SRP54: variants seen among roughly 807,000 people sequenced by gnomAD.
The protein encoded by SRP54 is signal recognition particle 54.
SRP54 carries 10 observed loss-of-function variants against 64.8 expected under a neutral mutation model. The observed-to-expected ratio is 0.15, with a 90% CI of 0.10 to 0.26. SRP54 has a LOEUF of 0.26. SRP54 is among the 10% of genes least tolerant of loss of function. SRP54 has a pLI of 1.00. For missense variants in SRP54, 325 were observed against 613.7 expected, an observed-to-expected ratio of 0.53 and a Z score of 4.97; for synonymous variants, 193 against 185.6, an observed-to-expected ratio of 1.04 and a Z score of -0.32.
At chr14:35,012,798 C>A (rs1470105231) in intron 8 of SRP54, among the ~76,000 whole-genome samples, 2 of 151,996 alleles carry the variant, frequency 1.3e-5, no homozygotes, top group Non-Finnish European at 2.9e-5. Context: ...TTATATATGT[C>A]CTCTGACTAG....
In SRP54 at chr14:34,988,560, C is replaced by CAA. The variant is rs1160365086; in HGVS notation, c.-34+5363_-34+5364dup. ...CTGGCGACAGAGTGAGACTCCATCTCAAAAAAAAAAAAAAAAAAATATATA... is the reference window on the plus strand; with the variant it reads ...CTGGCGACAGAGTGAGACTCCATCTCAAAAAAAAAAAAAAAAAAAAATATATA... On this transcript the variant is annotated intron_variant, in intron 1 of 15. Coordinates refer to ENST00000216774, the MANE Select transcript of SRP54 (RefSeq NM_003136.4). Among the ~76,000 whole-genome samples the CAA allele has an allele frequency of 7.9e-3, 209 of 26,302 alleles. 23 individuals are homozygous for CAA. The highest frequency in any genetic ancestry group is 0.033 in the Admixed American group (83 of 2,506). 17.3% of individuals were successfully genotyped at this position (26,302 alleles called of 152,430 possible).
chr14:35,014,966 T>C (rs1475941503), intron 11 of SRP54, 136 bp downstream of exon 11: 4 of 573,824 alleles, frequency 7.0e-6, no homozygotes, highest in Non-Finnish European at 3.0e-6. Context: ...AGATGATTTA[T>C]ATGCAAATCA....
chr14:35,014,932 AGATCT>A (rs1186463796), intron 11 of SRP54, 102 bp downstream of exon 11: 6 of 780,990 alleles, frequency 7.7e-6, no homozygotes, highest in Non-Finnish European at 1.2e-5. Flanking sequence ...TGTTAGAGTC[AGATCT>A]TCCACTGCTT....
intron 1 of SRP54, chr14:34,993,563 CTGTT>C (rs887248158): frequency 2.6e-5 from 4 of 152,076 alleles, no homozygotes; most frequent in African/African-American, 9.7e-5. Flanking sequence ...CCTGGGATAT[CTGTT>C]TGCCAGTGAT....
chr14:34,990,240 A>G (rs997480950), intron 1 of SRP54, among the ~76,000 whole-genome samples: 1 of 152,206 alleles, frequency 6.6e-6, no homozygotes, highest in Admixed American at 6.5e-5. Flanking sequence ...GAACGTTGCA[A>G]TTACTCCTCC....
At chr14:35,003,374 C>T (rs1011883449) in intron 4 of SRP54, among the ~76,000 whole-genome samples, 2 of 128,274 alleles carry the variant, frequency 1.6e-5, no homozygotes, top group Admixed American at 7.8e-5. Context: ...TTTCTGGACT[C>T]TCTATTTATT....
At chr14:35,004,503 A>G (rs2044227372) in intron 4 of SRP54, 1 of 152,232 alleles carries the variant, frequency 6.6e-6, no homozygotes, top group African/African-American at 2.4e-5. Flanking sequence ...ATGGAATCAC[A>G]GATTTTAATG....
intron 14 of SRP54, among the ~76,000 whole-genome samples, chr14:35,027,330 C>T (rs1054474623): frequency 6.6e-6 from 1 of 152,080 alleles, no homozygotes; most frequent in Non-Finnish European, 1.5e-5. Context: ...ACAGCCAGCC[C>T]AACAGACTCA....
In SRP54 at chr14:35,029,380, G is replaced by C. The variant is rs1239100561; in HGVS notation, c.*228G>C. ...TTTTTGTGGAAATCATTATATGTTT[G>C]CTTTAGATTTTCTTCTGTTTTCACC... On this transcript the variant is annotated 3_prime_UTR_variant, in exon 16 of 16. Coordinates refer to ENST00000216774, the MANE Select transcript of SRP54 (RefSeq NM_003136.4). 1 of 379,810 alleles carries C rather than the reference G, an allele frequency of 2.6e-6. No individual in the cohort carries two copies. The highest frequency in any genetic ancestry group is 4.7e-6 in the Non-Finnish European group (1 of 212,128). 23.5% of individuals were successfully genotyped at this position (379,810 alleles called of 1,614,324 possible). A position where few individuals can be genotyped will look rare whatever the true frequency, so the allele number is the denominator to read the frequency against.
chr14:35,021,773 G>A (rs757780086), intron 13 of SRP54, among the ~76,000 whole-genome samples: 7 of 152,194 alleles, frequency 4.6e-5, no homozygotes, highest in Non-Finnish European at 1.0e-4. Context: ...ATAACAGAAT[G>A]GCATAGACAG....
rs370656783 is a variant in SRP54 at position 35,022,969 on chromosome 14, G to A, written c.1216G>A (p.Val406Ile). Reference sequence around the variant, plus strand: ...TAAACAACCAGGAAGAATCCAAAGAGTAGCAAGAGGATCGGGTGTATCAAC... The same window carrying A: ...TAAACAACCAGGAAGAATCCAAAGAATAGCAAGAGGATCGGGTGTATCAAC... ...FSKQPGRIQR[V>I]ARGSGVSTRD... Residue 406 changes from valine to isoleucine, a missense_variant, in exon 14 of 16, where the codon GTA (valine) becomes ATA (isoleucine). Physicochemically the swap from Val to Ile is conservative, Grantham distance 29. Transcript: ENST00000216774. The A allele has an allele frequency of 5.6e-6, 9 of 1,613,844 alleles. No individual in the cohort carries two copies. In the African/African-American group the frequency reaches 1.1e-4, roughly 19 times the overall value.
Position 35,018,708 on chromosome 14 carries a change from A to C in SRP54, c.990A>C (p.Arg330=). The C allele has an allele frequency of 6.2e-7, 1 of 1,613,518 alleles. No individual in the cohort carries two copies. Among genetic ancestry groups the C allele is most frequent in the South Asian group, 1.1e-5 (1 of 90,906 alleles). Residue 330 remains arginine, a synonymous_variant, in exon 12 of 16, where the codon CGA becomes CGC. Transcript: ENST00000216774. ...GTATTTCAGGTCAGTTTACGTTGCG[A>C]GACATGTATGAGCAATTTCAAAATA... ...EKLKHGQFTL[R]DMYEQFQNIM...
At chr14:35,008,884 C>CTTTTTTT (rs35812379) in intron 7 of SRP54, 53 bp downstream of exon 7, 43 of 676,480 alleles carry the variant, frequency 6.4e-5, no homozygotes, top group South Asian at 1.3e-4. Flanking sequence ...TGTCTGTCAG[C>CTTTTTTT]TTTTTTTTTT....
At chr14:35,023,765 C>CAGAGTG (rs1295428964) in intron 14 of SRP54, among the ~76,000 whole-genome samples, 1 of 148,258 alleles carries the variant, frequency 6.7e-6, no homozygotes. Flanking sequence ...GCCTGGGCAG[C>CAGAGTG]AGAGTGAGAC....
At chr14:35,011,185 T>A (rs1167781053) in intron 7 of SRP54, among the ~76,000 whole-genome samples, 3 of 150,152 alleles carry the variant, frequency 2.0e-5, no homozygotes, top group Non-Finnish European at 4.5e-5. Context: ...CAAATGGATG[T>A]TAAATGGAAA....
At chr14:34,998,876 C>T (rs936064423) in intron 2 of SRP54, among the ~76,000 whole-genome samples, 3 of 151,082 alleles carry the variant, frequency 2.0e-5, no homozygotes, top group African/African-American at 7.3e-5. Flanking sequence ...ATAATAGTGA[C>T]AGGAGCTCTT....
intron 3 of SRP54, 26 bp from the exon 4 acceptor site, chr14:35,000,910 C>T: frequency 7.0e-7 from 1 of 1,428,972 alleles, no homozygotes; most frequent in Non-Finnish European, 9.5e-7. Flanking sequence ...TCCTCCCCAC[C>T]CCAATCACCA....
chr14:35,025,515 G>C (rs180833701), intron 14 of SRP54, among the ~76,000 whole-genome samples: 72 of 152,208 alleles, frequency 4.7e-4, no homozygotes, highest in African/African-American at 1.6e-3. Context: ...GACTGTTCTT[G>C]ATAGAACAGA....
At position 35,028,093 on chromosome 14, in the gene SRP54, G is replaced by A. The variant is rs1285684867; in HGVS notation, c.1333G>A (p.Asp445Asn). The part of the protein sequence containing the change: ...GGIKGLFKGG[D>N]MSKNVSQSQM... ...CTTTTTTTTTTTCCCCTCAGGTGGC[G>A]ACATGTCTAAGAATGTGAGCCAGTC... The change falls in exon 15 of 16, where the codon GAC becomes AAC. Residue 445 changes from aspartate to asparagine, a missense_variant. Physicochemically the swap from Asp to Asn is conservative, Grantham distance 23. Transcript: ENST00000216774. The A allele has an allele frequency of 1.2e-6, 2 of 1,605,790 alleles. No homozygotes were observed. Among genetic ancestry groups the A allele is most frequent in the Non-Finnish European group, 1.7e-6 (2 of 1,175,924 alleles).
Sources: allele counts gnomAD v4.1 joint callset (sites outside exome capture counted in the v4.1 genomes callset), GRCh38; gene constraint gnomAD v4.1.1; transcripts MANE v1.5; gene names NCBI Gene and HGNC (gene_info 2026-07-23, HGNC 2026-07-21).